The following LRRCC1 variants were observed in gnomAD, a reference collection of about 807,000 sequenced individuals.
LRRCC1 encodes the protein leucine rich repeat and coiled-coil centrosomal protein 1, also known as leucine-rich repeat and coiled-coil domain-containing protein 1.
A neutral mutation model predicts 126.0 loss-of-function variants in LRRCC1; 115 were observed. The ratio of observed to expected loss-of-function variants is 0.91; its 90% CI spans 0.78 to 1.07. The LOEUF (loss-of-function observed/expected upper bound fraction) is 1.07. Among genes scored for constraint, LRRCC1 ranks in the 50% least tolerant of loss-of-function variants. The pLI is 0.00. For synonymous variants in LRRCC1, 400 were observed against 393.4 expected (o/e 1.02, Z -0.20); for missense variants, 1,172 against 1,175.7 (o/e 1.00, Z 0.05).
chr8:85,127,226 C>G (rs1810084644), intron 9 of LRRCC1, among the ~76,000 whole-genome samples: 1 of 152,156 alleles, frequency 6.6e-6, no homozygotes, highest in African/African-American at 2.4e-5. Flanking sequence ...GCTTTTGTAT[C>G]ATATAGCCCA....
chr8:85,125,480 C>T (rs369452694), intron 8 of LRRCC1, among the ~76,000 whole-genome samples: 121 of 150,118 alleles, frequency 8.1e-4, no homozygotes, highest in African/African-American at 2.6e-3. Flanking sequence ...GAGACCATCC[C>T]GGCTAAAATG....
chr8:85,122,432 T>C (rs1470304334), intron 6 of LRRCC1, among the ~76,000 whole-genome samples: 1 of 152,202 alleles, frequency 6.6e-6, no homozygotes, highest in Non-Finnish European at 1.5e-5. Context: ...AATGTTTGTT[T>C]TTCTGTATTC....
chr8:85,127,667 C>T (rs907515220), intron 9 of LRRCC1, among the ~76,000 whole-genome samples: 10 of 152,140 alleles, frequency 6.6e-5, no homozygotes, highest in African/African-American at 2.2e-4. Flanking sequence ...GTGATACTGA[C>T]GTGGTGTTTT....
intron 3 of LRRCC1, 133 bp downstream of exon 3, chr8:85,110,313 G>A (rs1017584665): frequency 6.1e-5 from 25 of 410,236 alleles, no homozygotes; most frequent in Non-Finnish European, 8.5e-5. Flanking sequence ...TCTAGAGAGC[G>A]TATTCCAGTC....
In LRRCC1 at chr8:85,123,610, C is replaced by T. The variant is rs755577409; in HGVS notation, c.1124+4C>T. 1 of 1,562,014 alleles carries T rather than the reference C, an allele frequency of 6.4e-7. No homozygotes were observed. The highest frequency in any genetic ancestry group is 1.2e-5 in the South Asian group (1 of 82,752). ...AAAACTACAACTCTTTTGTAAGGTA[C>T]TTGTTTTAGTTTTAGAAATTTAAGG... On this transcript the variant is annotated splice_donor_region_variant and intron_variant, in intron 7 of 18. Transcript: ENST00000360375.
rs923081298 is a variant in LRRCC1 at position 85,129,076 on chromosome 8, A to G, written c.1422-99A>G. 4.6e-6 allele frequency: 4 copies of G among 868,168 alleles called. 1 individual carries two copies. In the Admixed American group the frequency reaches 6.9e-5, roughly 15 times the overall value. The allele number at this position is 868,168 out of a possible 1,614,324, so 53.8% of individuals were successfully genotyped here. On this transcript the variant is annotated intron_variant, in intron 9 of 18. Transcript: ENST00000360375. ...TCAAACAGGAGTTGAGAGCATGAAC[A>G]AAGGAAGACCAGTTCAGAGAGTACT...
chr8:85,107,260 G>A lies in LRRCC1; in HGVS notation c.-36G>A. The A allele has an allele frequency of 6.3e-7, 1 of 1,580,592 alleles. No homozygotes were observed. On this transcript the variant is annotated 5_prime_UTR_variant, in exon 1 of 19. In the 5' UTR this introduces an upstream ATG that the reference lacks. Coordinates refer to ENST00000360375, the MANE Select transcript of LRRCC1 (RefSeq NM_033402.5). ...CCCAAGCTCACGGACCCCTCGCTGG[G>A]TGCCGGTTAAGACCCCGCTCCCCGT... is the stretch of plus-strand genomic sequence containing the variant.
At chr8:85,141,305 G>A (rs1019712991) in intron 17 of LRRCC1, 77 bp from the exon 18 acceptor site, 69 of 1,212,782 alleles carry the variant, frequency 5.7e-5, no homozygotes, top group African/African-American at 7.6e-5. Flanking sequence ...TGAGCCACCC[G>A]AGAAGAAATA....
Position 85,131,775 on chromosome 8 carries a change from A to G in LRRCC1, c.1782A>G (p.Thr594=). The change falls in exon 12 of 19, where the codon ACA becomes ACG. Residue 594 remains threonine (T), a synonymous_variant. Coordinates refer to ENST00000360375, the MANE Select transcript of LRRCC1 (RefSeq NM_033402.5). ...TTCACTCCAGGAAGGAACTTGAAAC[A>G]AGGGAGTTTTTTACTGATGCTGACT... ...KEQEHRKELE[T]REFFTDADFQ... 1 of 1,612,366 alleles carries G rather than the reference A, an allele frequency of 6.2e-7. No individual in the cohort carries two copies. The highest frequency in any genetic ancestry group is 8.5e-7 in the Non-Finnish European group (1 of 1,179,414).
In LRRCC1 at chr8:85,138,193, A is replaced by G; in HGVS notation, c.2652A>G (p.Gln884=). Residue 884 remains glutamine (Q), a synonymous_variant, in exon 16 of 19, where the codon CAA becomes CAG. Coordinates refer to ENST00000360375, the MANE Select transcript of LRRCC1 (RefSeq NM_033402.5). The stretch of plus-strand genomic sequence containing the variant: ...ATGAAAGAAAAGAAAAACTAAAACA[A>G]CAGTTGAAAGGAAAGGAAGTAGAAC... ...RHNERKEKLK[Q]QLKGKEVELE... 2 of 1,612,464 alleles carry G rather than the reference A, an allele frequency of 1.2e-6. No individual in the cohort carries two copies. The highest frequency in any genetic ancestry group is 2.2e-5 in the East Asian group (1 of 44,736).
At chr8:85,137,899 G>T (rs148476308) in intron 15 of LRRCC1, 136 bp from the exon 16 acceptor site, 3 of 572,678 alleles carry the variant, frequency 5.2e-6, no homozygotes, top group African/African-American at 3.8e-5. Context: ...TCAATTAAGG[G>T]TTAGGAGTCA....
intron 10 of LRRCC1, 34 bp from the exon 11 acceptor site, chr8:85,129,885 A>T (rs749760560): frequency 3.4e-6 from 5 of 1,464,560 alleles, no homozygotes; most frequent in Non-Finnish European, 4.5e-6. Flanking sequence ...GGAGACTATT[A>T]TCTAAATAAT....
chr8:85,123,276 C>A, intron 6 of LRRCC1, 137 bp from the exon 7 acceptor site: 1 of 578,948 alleles, frequency 1.7e-6, no homozygotes, highest in East Asian at 3.3e-5. Flanking sequence ...AAGCTGAATT[C>A]CCTGTCTTTA....
chr8:85,131,626 T>C, intron 11 of LRRCC1, 134 bp from the exon 12 acceptor site: 2 of 646,210 alleles, frequency 3.1e-6, no homozygotes, highest in Non-Finnish European at 5.3e-6. Context: ...GCCCAATTAC[T>C]GCGTTTGAAA....
At chr8:85,133,520 T>C (rs1810638382) in intron 12 of LRRCC1, among the ~76,000 whole-genome samples, 1 of 152,192 alleles carries the variant, frequency 6.6e-6, no homozygotes, top group Non-Finnish European at 1.5e-5. Context: ...ATTTAACATA[T>C]TCTACTTCAC....
intron 8 of LRRCC1, among the ~76,000 whole-genome samples, chr8:85,125,342 T>C (rs992205368): frequency 6.6e-6 from 1 of 152,144 alleles, no homozygotes; most frequent in Non-Finnish European, 1.5e-5. Context: ...TCATGGACTT[T>C]CCTGAAACTC....
chr8:85,121,809 A>G (rs1809582881), intron 6 of LRRCC1, among the ~76,000 whole-genome samples: 1 of 152,244 alleles, frequency 6.6e-6, no homozygotes, highest in South Asian at 2.1e-4. Flanking sequence ...GAAACAGTCT[A>G]CTTAGAGTTA....
At position 85,114,566 on chromosome 8, in the gene LRRCC1, G is replaced by A. The variant is rs144441160; in HGVS notation, c.545-534G>A. Reference sequence around the variant, plus strand: ...AATTTGTCAGATATGATTGTTCTTAGGGAAAATAAACATATTATTCTTGAT... The same window carrying A: ...AATTTGTCAGATATGATTGTTCTTAAGGAAAATAAACATATTATTCTTGAT... On this transcript the variant is annotated intron_variant, in intron 4 of 18. Transcript: ENST00000360375. Among the ~76,000 whole-genome samples the A allele has an allele frequency of 3.4e-3, 523 of 152,066 alleles. 5 individuals are homozygous for A. Among genetic ancestry groups the A allele is most frequent in the Non-Finnish European group, 4.2e-3 (284 of 67,894 alleles).
chr8:85,124,276 C>T (rs1339288833), intron 7 of LRRCC1, among the ~76,000 whole-genome samples: 2 of 152,112 alleles, frequency 1.3e-5, no homozygotes, highest in Non-Finnish European at 2.9e-5. Flanking sequence ...ATTAATTCTT[C>T]CATACCTACC....
Sources: gnomAD v4.1 joint callset for allele counts (sites outside exome capture counted in the v4.1 genomes callset) on GRCh38, gnomAD v4.1.1 for gene constraint, MANE v1.5 for transcripts, NCBI Gene and HGNC (gene_info 2026-07-23, HGNC 2026-07-21) for gene names.